ANO1: variants seen among roughly 807,000 people sequenced by gnomAD.
ANO1 encodes the protein anoctamin 1.
A neutral mutation model predicts 124.0 loss-of-function variants in ANO1; 59 were observed. The observed-to-expected ratio is 0.48, with a 90% CI of 0.39 to 0.59. The LOEUF (loss-of-function observed/expected upper bound fraction) is 0.59, where lower values mean the gene tolerates loss of function less well. Among genes scored for constraint, ANO1 ranks in the 20% least tolerant of loss-of-function variants. The pLI is 0.00. For missense variants in ANO1, 1,059 were observed against 1,328.0 expected (o/e 0.80, Z 3.15); for synonymous variants, 529 against 532.0 (o/e 0.99, Z 0.08).
chr11:70,161,018 A>G, intron 16 of ANO1, 143 bp from the exon 17 acceptor site: 1 of 744,582 alleles, frequency 1.3e-6, no homozygotes, highest in East Asian at 2.7e-5. Flanking sequence ...GGCATTTGGC[A>G]GGTGCCCAAG....
At chr11:70,156,104 G>A in intron 15 of ANO1, 116 bp downstream of exon 15, 1 of 1,094,524 alleles carries the variant, frequency 9.1e-7, no homozygotes, top group East Asian at 3.2e-5. Context: ...TCACATCCGT[G>A]TTTCTCTGTC....
At chr11:70,134,250 T>C (rs538341370) in intron 11 of ANO1, among the ~76,000 whole-genome samples, 3 of 152,326 alleles carry the variant, frequency 2.0e-5, no homozygotes, top group African/African-American at 7.2e-5. Context: ...CCTGGGCCTG[T>C]GCAGCCACTG....
chr11:70,006,901 T>G (rs1215405774), intron 1 of ANO1, among the ~76,000 whole-genome samples: 1 of 151,972 alleles, frequency 6.6e-6, no homozygotes, highest in Non-Finnish European at 1.5e-5. Flanking sequence ...AACTCCTGAC[T>G]TCAGGTGATC....
In ANO1 at chr11:70,182,695, CT is replaced by C; in HGVS notation, c.2588+10del. 6.6e-7 allele frequency: 1 copy of C among 1,510,842 alleles called. No individual in the cohort carries two copies. The highest frequency in any genetic ancestry group is 8.9e-7 in the Non-Finnish European group (1 of 1,128,918). The allele number at this position is 1,510,842 out of a possible 1,614,324, so 93.6% of individuals were successfully genotyped here. The stretch of plus-strand genomic sequence containing the variant: ...GAGGTGCAGATCTGCAGGTACTGCT[CT>C]CTGCTCCCCTCTTTGAAAAGCCACG... On this transcript the variant is annotated intron_variant, in intron 24 of 25. Transcript: ENST00000355303.
At chr11:69,970,235 G>A in the ANO1 span, among the ~76,000 whole-genome samples, 11 of 152,170 alleles carry the variant, frequency 7.2e-5, no homozygotes, top group Admixed American at 5.2e-4. Context: ...CACATCAGAA[G>A]CCCGAGCAGA....
the ANO1 span, among the ~76,000 whole-genome samples, chr11:69,968,803 G>C: frequency 1.3e-5 from 2 of 152,196 alleles, no homozygotes; most frequent in South Asian, 2.1e-4. Flanking sequence ...TTCTGTCCAG[G>C]AGCAGCAGGG....
chr11:70,124,457 G>A lies in ANO1; in HGVS notation c.962+43G>A, dbSNP rs369511150. The A allele has an allele frequency of 8.3e-5, 132 of 1,586,276 alleles. No individual in the cohort carries two copies. The African/African-American group carries it at 1.2e-3, about 14-fold the overall frequency. On this transcript the variant is annotated intron_variant, in intron 9 of 25. Transcript: ENST00000355303. Reference sequence around the variant, plus strand: ...CCTGCGGGAATCAAGTCCCTACTCCGATGGCAGTCGGATAACATCCCTGTG... The same window carrying A: ...CCTGCGGGAATCAAGTCCCTACTCCAATGGCAGTCGGATAACATCCCTGTG...
At chr11:70,108,316 A>G in intron 5 of ANO1, 37 bp from the exon 6 acceptor site, 1 of 1,596,438 alleles carries the variant, frequency 6.3e-7, no homozygotes, top group Non-Finnish European at 8.6e-7. Context: ...AAGGTGCCTT[A>G]AGTAACTGCT....
At chr11:70,042,057 G>T (rs944925080) in intron 1 of ANO1, among the ~76,000 whole-genome samples, 1 of 151,980 alleles carries the variant, frequency 6.6e-6, no homozygotes, top group Non-Finnish European at 1.5e-5. Context: ...TTGAGCATCA[G>T]TGTGCATGAG....
In ANO1 at chr11:70,155,919, G is replaced by C. The variant is rs1323088353; in HGVS notation, c.1434G>C (p.Arg478=). 1.3e-6 allele frequency: 2 copies of C among 1,540,810 alleles called. No homozygotes were observed. Among genetic ancestry groups the C allele is most frequent in the African/African-American group, 1.4e-5 (1 of 72,072 alleles). ...KKESRNKEKR[R]HIPEESTNKW... ...CCCCCACCCCCCCTCAGAAGCGCCG[G>C]CATATTCCAGAGGAGTCAACAAACA... is the stretch of plus-strand genomic sequence containing the variant. The change falls in exon 15 of 26, where the codon CGG becomes CGC. Residue 478 remains arginine, a synonymous_variant. Transcript: ENST00000355303.
chr11:70,009,336 T>C (rs565981483), intron 1 of ANO1, among the ~76,000 whole-genome samples: 2 of 152,234 alleles, frequency 1.3e-5, no homozygotes, highest in Admixed American at 1.3e-4. Flanking sequence ...GCCAGAGTAG[T>C]TCCTTGAAAC....
At chr11:70,156,443 C>T (rs1425036464) in intron 15 of ANO1, among the ~76,000 whole-genome samples, 1 of 152,228 alleles carries the variant, frequency 6.6e-6, no homozygotes, top group Admixed American at 6.5e-5. Context: ...ACCCTGGGTT[C>T]TGAGAGCCTT....
chr11:70,026,798 G>A (rs1241561142), intron 1 of ANO1, among the ~76,000 whole-genome samples: 1 of 152,068 alleles, frequency 6.6e-6, no homozygotes, highest in Admixed American at 6.5e-5. Flanking sequence ...CTCTCCAAAG[G>A]CCCTGCCTGG....
chr11:70,004,587 G>A (rs1020916350), intron 1 of ANO1, among the ~76,000 whole-genome samples: 1 of 152,192 alleles, frequency 6.6e-6, no homozygotes, highest in Non-Finnish European at 1.5e-5. Flanking sequence ...GTGTCGCGAC[G>A]TTACGCAGCA....
chr11:70,047,070 G>A (rs1469134167), intron 1 of ANO1, among the ~76,000 whole-genome samples: 1 of 115,212 alleles, frequency 8.7e-6, no homozygotes, highest in Non-Finnish European at 1.7e-5. Context: ...ACAAGAGCGA[G>A]ACTCTGTCTC....
chr11:69,968,582 C>A, the ANO1 span, among the ~76,000 whole-genome samples: 2 of 152,238 alleles, frequency 1.3e-5, no homozygotes, highest in African/African-American at 2.4e-5. Context: ...GATCCCTGAA[C>A]TGAGATTGTT....
At chr11:70,185,472 C>A in intron 24 of ANO1, 118 bp from the exon 25 acceptor site, 1 of 858,830 alleles carries the variant, frequency 1.2e-6, no homozygotes, top group Non-Finnish European at 1.8e-6. Context: ...GCTGCCCTCC[C>A]GGAGGCAGCC....
At position 70,097,823 on chromosome 11, in the gene ANO1, C is replaced by T. The variant is rs1343290842; in HGVS notation, c.442-5243C>T. ...CTCAGTGGACATCACTGAGCCTCTG[C>T]TCTGTGGCCACTGCTGTTCCCCGTC... On this transcript the variant is annotated intron_variant, in intron 2 of 25. Coordinates refer to ENST00000355303, the MANE Select transcript of ANO1 (RefSeq NM_018043.7). Among the ~76,000 whole-genome samples, 4 of 152,352 alleles carry T rather than the reference C, an allele frequency of 2.6e-5. No individual in the cohort carries two copies. The South Asian group carries it at 6.2e-4, about 24-fold the overall frequency.
Position 70,140,578 on chromosome 11 carries a change from G to A in ANO1, c.1258+8499G>A, listed in dbSNP as rs573110205. 2.6e-5 allele frequency among the ~76,000 whole-genome samples: 4 copies of A among 152,120 alleles called. No homozygotes were observed. The East Asian group carries it at 7.7e-4, about 29-fold the overall frequency. On this transcript the variant is annotated intron_variant, in intron 11 of 25. Coordinates refer to ENST00000355303, the MANE Select transcript of ANO1 (RefSeq NM_018043.7). ...AAGAAGAAAGAAAGAAAGTAAAGGA[G>A]TGAAAGAATGGCTACAGAATAGGGC...
Sources: allele counts gnomAD v4.1 joint callset (sites outside exome capture counted in the v4.1 genomes callset), GRCh38; gene constraint gnomAD v4.1.1; transcripts MANE v1.5; gene names NCBI Gene and HGNC (gene_info 2026-07-23, HGNC 2026-07-21).